The following VWC2 variants were observed in gnomAD, a reference collection of about 807,000 sequenced individuals.
The protein encoded by VWC2 is brorin.
A neutral mutation model predicts 29.8 loss-of-function variants in VWC2; 14 were observed. The observed-to-expected ratio is 0.47, with a 90% CI of 0.31 to 0.74. The LOEUF (loss-of-function observed/expected upper bound fraction) is 0.74, where lower values mean the gene tolerates loss of function less well. VWC2 is among the 30% of genes least tolerant of loss of function. VWC2 has a pLI of 0.05. For missense variants in VWC2, 457 were observed against 459.8 expected (o/e 0.99, Z 0.05); for synonymous variants, 213 against 199.0 (o/e 1.07, Z -0.59).
chr7:49,832,827 T>C (rs1035853964), intron 3 of VWC2, among the ~76,000 whole-genome samples: 11 of 152,320 alleles, frequency 7.2e-5, no homozygotes, highest in African/African-American at 2.4e-4. Flanking sequence ...CTCTGTCCAG[T>C]TGTCATTTAG....
intron 3 of VWC2, among the ~76,000 whole-genome samples, chr7:49,870,196 C>A (rs1791085684): frequency 6.6e-6 from 1 of 152,126 alleles, no homozygotes; most frequent in South Asian, 2.1e-4. Context: ...GTCAGGAGAT[C>A]AAGACCATCC....
intron 3 of VWC2, among the ~76,000 whole-genome samples, chr7:49,894,392 C>G (rs1163145683): frequency 6.6e-6 from 1 of 152,164 alleles, no homozygotes; most frequent in Non-Finnish European, 1.5e-5. Flanking sequence ...CTCGGCCTCC[C>G]AAAGTGTTAT....
rs375460290 is a variant in VWC2, at chr7:49,909,722, G to T, written c.827-2312G>T. ...TTGGAACTAAAATTTGGGAGTCATT[G>T]CCAGATGAATGATTGTTGGGTTCTC... is the stretch of plus-strand genomic sequence containing the variant. On this transcript the variant is annotated intron_variant, in intron 3 of 3. Transcript: ENST00000340652. Among the ~76,000 whole-genome samples, 461 of 152,320 alleles carry T rather than the reference G, an allele frequency of 3.0e-3. 28 individuals carry two copies. In the South Asian group the frequency reaches 0.091, roughly 30 times the overall value.
chr7:49,873,072 T>C (rs1791243758), intron 3 of VWC2, among the ~76,000 whole-genome samples: 1 of 152,086 alleles, frequency 6.6e-6, no homozygotes, highest in Non-Finnish European at 1.5e-5. Context: ...TGTTCAACCT[T>C]AGTAGTTTTC....
chr7:49,808,733 T>C (rs1010341002), intron 3 of VWC2, among the ~76,000 whole-genome samples: 1 of 151,998 alleles, frequency 6.6e-6, no homozygotes, highest in Admixed American at 6.6e-5. Flanking sequence ...GAAGGAAATC[T>C]GGGAAATTGG....
In VWC2 at chr7:49,835,371, A is replaced by AG. The variant is rs1429636663; in HGVS notation, c.826+32532dup. On this transcript the variant is annotated intron_variant, in intron 3 of 3. Transcript: ENST00000340652. ...TCTTTTCTTTCTCAGTATTTAAGCTAGTGACACATGTGGGCTTGGGTGCAA... is the reference window on the plus strand; with the variant it reads ...TCTTTTCTTTCTCAGTATTTAAGCTAGGTGACACATGTGGGCTTGGGTGCAA... Among the ~76,000 whole-genome samples the AG allele has an allele frequency of 7.9e-5, 12 of 152,310 alleles. No homozygotes were observed. In the East Asian group the frequency reaches 1.9e-3, roughly 24 times the overall value.
At chr7:49,774,375 G>T (rs1376014692) in intron 1 of VWC2, among the ~76,000 whole-genome samples, 1 of 152,124 alleles carries the variant, frequency 6.6e-6, no homozygotes, top group Non-Finnish European at 1.5e-5. Context: ...TGCGCAGAGT[G>T]GGGGCGTTCG....
chr7:49,791,545 T>A (rs770039779), intron 2 of VWC2, among the ~76,000 whole-genome samples: 7 of 152,354 alleles, frequency 4.6e-5, no homozygotes, highest in South Asian at 2.1e-4. Flanking sequence ...TCTGTCTCTG[T>A]TGGGATATCC....
intron 3 of VWC2, among the ~76,000 whole-genome samples, chr7:49,907,685 T>G (rs1490151260): frequency 6.6e-6 from 1 of 152,130 alleles, no homozygotes; most frequent in Non-Finnish European, 1.5e-5. Flanking sequence ...ATACATGTAA[T>G]GTATATATTG....
chr7:49,801,745 C>T (rs931748027), intron 2 of VWC2, among the ~76,000 whole-genome samples: 25 of 152,380 alleles, frequency 1.6e-4, no homozygotes, highest in African/African-American at 5.8e-4. Context: ...ACCTTGTGCT[C>T]ACAGGACAGA....
At chr7:49,781,219 C>T (rs1788170890) in intron 2 of VWC2, among the ~76,000 whole-genome samples, 1 of 151,974 alleles carries the variant, frequency 6.6e-6, no homozygotes, top group Non-Finnish European at 1.5e-5. Context: ...CATTTTCTAC[C>T]CTTGTGTCTA....
At chr7:49,851,197 T>G (rs963163559) in intron 3 of VWC2, among the ~76,000 whole-genome samples, 1 of 152,210 alleles carries the variant, frequency 6.6e-6, no homozygotes, top group Non-Finnish European at 1.5e-5. Flanking sequence ...GGTCTTCTTC[T>G]CTGTGCCCGT....
intron 3 of VWC2, among the ~76,000 whole-genome samples, chr7:49,818,327 T>C (rs1789193327): frequency 6.6e-6 from 1 of 152,230 alleles, no homozygotes; most frequent in Non-Finnish European, 1.5e-5. Flanking sequence ...TGCATAAATG[T>C]CTCAGACATC....
intron 3 of VWC2, among the ~76,000 whole-genome samples, chr7:49,833,926 A>G (rs1789597195): frequency 6.6e-6 from 1 of 152,218 alleles, no homozygotes; most frequent in Admixed American, 6.5e-5. Context: ...TTCAAGATCA[A>G]CTAGAAAAAA....
chr7:49,825,424 G>C (rs1191705475), intron 3 of VWC2, among the ~76,000 whole-genome samples: 1 of 152,180 alleles, frequency 6.6e-6, no homozygotes, highest in African/African-American at 2.4e-5. Context: ...TCTGGGTTCT[G>C]TTGTTGTTTC....
chr7:49,826,370 G>T (rs932029380), intron 3 of VWC2, among the ~76,000 whole-genome samples: 3 of 152,020 alleles, frequency 2.0e-5, no homozygotes, highest in African/African-American at 7.3e-5. Flanking sequence ...ACATCTTAGA[G>T]CATTTTTTAA....
At chr7:49,865,548 T>C (rs1790848589) in intron 3 of VWC2, among the ~76,000 whole-genome samples, 2 of 152,216 alleles carry the variant, frequency 1.3e-5, no homozygotes. Flanking sequence ...ATAAGCTAAC[T>C]CATAATCCTC....
intron 3 of VWC2, among the ~76,000 whole-genome samples, chr7:49,881,075 A>AT (rs771163053): frequency 2.6e-5 from 4 of 152,048 alleles, no homozygotes; most frequent in African/African-American, 9.7e-5. Flanking sequence ...ATCTTGCCCT[A>AT]TCTTGTCCTC....
At chr7:49,812,598 C>A (rs555159652) in intron 3 of VWC2, among the ~76,000 whole-genome samples, 3 of 152,190 alleles carry the variant, frequency 2.0e-5, no homozygotes, top group Non-Finnish European at 4.4e-5. Flanking sequence ...ACAAAGGATT[C>A]ATGAGTCAGG....
Sources: gnomAD v4.1 joint callset for allele counts (sites outside exome capture counted in the v4.1 genomes callset) on GRCh38, gnomAD v4.1.1 for gene constraint, MANE v1.5 for transcripts, NCBI Gene and HGNC (gene_info 2026-07-23, HGNC 2026-07-21) for gene names.